Variants in CATSPERZ observed in about 807,000 individuals in gnomAD.
CATSPERZ encodes cation channel sperm-associated auxiliary subunit zeta.
A neutral mutation model predicts 21.7 loss-of-function variants in CATSPERZ; 21 were observed. The ratio of observed to expected loss-of-function variants is 0.97; its 90% confidence interval spans 0.69 to 1.39. CATSPERZ has a LOEUF of 1.39. CATSPERZ is among the 40% of genes most tolerant of loss of function. CATSPERZ has a pLI of 0.00. For synonymous variants in CATSPERZ, 127 were observed against 108.7 expected (o/e 1.17, Z -1.05); for missense variants, 234 against 259.5 (o/e 0.90, Z 0.68).
chr11:64,303,614 T>C, intron 3 of CATSPERZ, 53 bp downstream of exon 3: 1 of 1,555,518 alleles, frequency 6.4e-7, no homozygotes, highest in Non-Finnish European at 8.7e-7. Flanking sequence ...GATAGGCAAA[T>C]TGGGGGTTGA....
chr11:64,301,922 C>G (rs1362099098), intron 2 of CATSPERZ, among the ~76,000 whole-genome samples: 1 of 152,202 alleles, frequency 6.6e-6, no homozygotes, highest in East Asian at 1.9e-4. Flanking sequence ...CCTCCTGCTT[C>G]GGCTTCCCAA....
chr11:64,302,576 C>T (rs1331053550), intron 2 of CATSPERZ, among the ~76,000 whole-genome samples: 2 of 151,240 alleles, frequency 1.3e-5, no homozygotes, highest in Non-Finnish European at 2.9e-5. Flanking sequence ...CAACCGCGCT[C>T]GGCTATTTAT....
rs2034901360 is a variant in CATSPERZ at position 64,300,424 on chromosome 11, C to T, written c.14C>T (p.Pro5Leu). 3 of 1,480,464 alleles carry T rather than the reference C, an allele frequency of 2.0e-6. No individual in the cohort carries two copies. The highest frequency in any genetic ancestry group is 2.7e-6 in the Non-Finnish European group (3 of 1,096,050). 91.7% of individuals were successfully genotyped at this position (1,480,464 alleles called of 1,614,324 possible). A position where few individuals can be genotyped will look rare whatever the true frequency, so the allele number is the denominator to read the frequency against. ...TGGGGCAGAACCATGGAGGAAAAGC[C>T]TTCGAAAGTAAGACGTCTCCCTAGG... is the stretch of plus-strand genomic sequence containing the variant. MEEKPSKVSLKSSDR... is the reference protein window; with the variant it reads MEEKLSKVSLKSSDR... The change falls in exon 1 of 5, where the codon CCT (proline) becomes CTT (leucine). Residue 5 changes from proline to leucine, a missense_variant. By Grantham distance (98) the Pro-to-Leu change is moderately conservative. Transcript: ENST00000328404.
Position 64,300,952 on chromosome 11 carries a change from T to G in CATSPERZ, c.317T>G (p.Leu106Arg), listed in dbSNP as rs753402158. ...LHRGSSMEIN[L>R]GEKDTASQIE... ...CGCGGCAGCTCCATGGAAATCAATC[T>G]GGGGGAGAAGGACACTGCATCCCAG... The change falls in exon 2 of 5, where the codon CTG becomes CGG. Residue 106 changes from leucine (L) to arginine (R), a missense_variant. Transcript: ENST00000328404. The G allele has an allele frequency of 2.5e-6, 4 of 1,577,348 alleles. No individual in the cohort carries two copies. Among genetic ancestry groups the G allele is most frequent in the Non-Finnish European group, 3.4e-6 (4 of 1,162,610 alleles).
chr11:64,301,502 T>C (rs2034926514), intron 2 of CATSPERZ, among the ~76,000 whole-genome samples: 1 of 146,950 alleles, frequency 6.8e-6, no homozygotes. Flanking sequence ...GCCTCCCGAG[T>C]AGCTGGGATT....
At chr11:64,303,209 C>T (rs1462741273) in intron 2 of CATSPERZ, among the ~76,000 whole-genome samples, 2 of 152,164 alleles carry the variant, frequency 1.3e-5, no homozygotes, top group Admixed American at 6.5e-5. Context: ...AAGAGCTGTT[C>T]TTATTACCCC....
chr11:64,304,664 C>T lies in CATSPERZ; in HGVS notation c.*18C>T. 6.4e-7 allele frequency: 1 copy of T among 1,552,778 alleles called. No homozygotes were observed. The highest frequency in any genetic ancestry group is 8.7e-7 in the Non-Finnish European group (1 of 1,147,916). On this transcript the variant is annotated 3_prime_UTR_variant, in exon 5 of 5. Coordinates refer to ENST00000328404, the MANE Select transcript of CATSPERZ (RefSeq NM_001039496.2). Reference sequence around the variant, plus strand: ...TGAATTAAAAACGCCACCTTGGGCTCGAGCAGCGACCCGAACCAGCCCCGT... The same window carrying T: ...TGAATTAAAAACGCCACCTTGGGCTTGAGCAGCGACCCGAACCAGCCCCGT...
chr11:64,300,809 C>T lies in CATSPERZ; in HGVS notation c.174C>T (p.Asn58=). 1.3e-6 allele frequency: 2 copies of T among 1,559,504 alleles called. No individual in the cohort carries two copies. Among genetic ancestry groups the T allele is most frequent in the Non-Finnish European group, 1.7e-6 (2 of 1,152,452 alleles). The part of the protein sequence containing the change: ...VCEGFDEEGR[N]ISKTRGWHSP... Reference sequence around the variant, plus strand: ...AGGGCTTCGACGAGGAGGGCCGCAACATTAGCAAGACCCGCGGGTGGCACA... The same window carrying T: ...AGGGCTTCGACGAGGAGGGCCGCAATATTAGCAAGACCCGCGGGTGGCACA... The change falls in exon 2 of 5, where the codon AAC becomes AAT. Residue 58 remains asparagine (N), a synonymous_variant. Transcript: ENST00000328404.
At position 64,304,719 on chromosome 11, in the gene CATSPERZ, C is replaced by T; in HGVS notation, c.*73C>T. ...GCCCGGTCCCCAGACCCAAGCCTGA[C>T]CCCATCCGAGTGGAATTTGAGTCCT... On this transcript the variant is annotated 3_prime_UTR_variant, in exon 5 of 5. Transcript: ENST00000328404. The T allele has an allele frequency of 7.8e-7, 1 of 1,280,452 alleles. No individual in the cohort carries two copies. Among genetic ancestry groups the T allele is most frequent in the African/African-American group, 1.5e-5 (1 of 66,840 alleles). 79.3% of individuals were successfully genotyped at this position (1,280,452 alleles called of 1,614,324 possible).
At chr11:64,303,437 G>A in intron 2 of CATSPERZ, 45 bp from the exon 3 acceptor site, 1 of 1,515,452 alleles carries the variant, frequency 6.6e-7, no homozygotes, top group Non-Finnish European at 9.0e-7. Context: ...TCCAGGGAAG[G>A]CCCAGGAGTC....
chr11:64,300,651 C>G lies in CATSPERZ; in HGVS notation c.22-6C>G. ...CCTTGGCTCCCTCCTTGTATGTGGC[C>G]CACAGGTGTCGCTCAAGTCTTCCGA... On this transcript the variant is annotated splice_region_variant and splice_polypyrimidine_tract_variant and intron_variant, in intron 1 of 4. Transcript: ENST00000328404. 1 of 1,531,230 alleles carries G rather than the reference C, an allele frequency of 6.5e-7. No individual in the cohort carries two copies. Among genetic ancestry groups the G allele is most frequent in the Non-Finnish European group, 8.8e-7 (1 of 1,134,244 alleles). 94.9% of individuals were successfully genotyped at this position (1,531,230 alleles called of 1,614,324 possible).
rs1427535000 is a variant in CATSPERZ, at chr11:64,303,577, G to T, written c.432+16G>T. The T allele has an allele frequency of 2.5e-6, 4 of 1,610,492 alleles. No individual in the cohort carries two copies. The South Asian group carries it at 3.3e-5, about 13-fold the overall frequency. Reference sequence around the variant, plus strand: ...GCAGAGCAGGGTTGGAGGGGCTGGGGAGACTGGGCGTTTCGGTGGGGTAGG... The same window carrying T: ...GCAGAGCAGGGTTGGAGGGGCTGGGTAGACTGGGCGTTTCGGTGGGGTAGG... On this transcript the variant is annotated intron_variant, in intron 3 of 4. Coordinates refer to ENST00000328404, the MANE Select transcript of CATSPERZ (RefSeq NM_001039496.2).
At chr11:64,302,516 G>A (rs2034942641) in intron 2 of CATSPERZ, among the ~76,000 whole-genome samples, 1 of 152,072 alleles carries the variant, frequency 6.6e-6, no homozygotes, top group African/African-American at 2.4e-5. Flanking sequence ...TCCTGACCTC[G>A]TGATCCGCCC....
chr11:64,300,632 C>G, intron 1 of CATSPERZ, 25 bp from the exon 2 acceptor site: 1 of 1,520,010 alleles, frequency 6.6e-7, no homozygotes, highest in South Asian at 1.3e-5. Flanking sequence ...CGACCCTTGG[C>G]TCCCTCCTTG....
In CATSPERZ at chr11:64,300,885, G is replaced by A. The variant is rs1227171529; in HGVS notation, c.250G>A (p.Glu84Lys). ...DEGYKASHKP[E>K]ELDEHALVEL... ...GGGGTACAAGGCCAGCCACAAGCCG[G>A]AGGAACTGGACGAGCACGCGCTGGT... is the stretch of plus-strand genomic sequence containing the variant. The change falls in exon 2 of 5, where the codon GAG becomes AAG. Residue 84 changes from glutamate (E) to lysine (K), a missense_variant. Physicochemically the swap from Glu to Lys is moderately conservative, Grantham distance 56. Transcript: ENST00000328404. The A allele has an allele frequency of 6.4e-7, 1 of 1,571,182 alleles. No individual in the cohort carries two copies. Among genetic ancestry groups the A allele is most frequent in the South Asian group, 1.2e-5 (1 of 85,402 alleles).
intron 2 of CATSPERZ, among the ~76,000 whole-genome samples, chr11:64,301,231 C>A (rs1335714344): frequency 6.6e-6 from 1 of 152,168 alleles, no homozygotes; most frequent in Non-Finnish European, 1.5e-5. Context: ...GAAGGACGCA[C>A]CAAATAAATT....
In CATSPERZ at chr11:64,304,536, C is replaced by T. The variant is rs1301966102; in HGVS notation, c.500-7C>T. Reference sequence around the variant, plus strand: ...CTGCCCTGAGCCGAGCTCTGCCCTCCTCCTAGGCTACCAGTTAGGGATCGG... The same window carrying T: ...CTGCCCTGAGCCGAGCTCTGCCCTCTTCCTAGGCTACCAGTTAGGGATCGG... On this transcript the variant is annotated splice_polypyrimidine_tract_variant and splice_region_variant and intron_variant, in intron 4 of 4. Coordinates refer to ENST00000328404, the MANE Select transcript of CATSPERZ (RefSeq NM_001039496.2). The T allele has an allele frequency of 6.4e-7, 1 of 1,574,582 alleles. No homozygotes were observed. The highest frequency in any genetic ancestry group is 8.6e-7 in the Non-Finnish European group (1 of 1,160,908).
In CATSPERZ at chr11:64,304,538, C is replaced by A. The variant is rs369708415; in HGVS notation, c.500-5C>A. On this transcript the variant is annotated splice_polypyrimidine_tract_variant and splice_region_variant and intron_variant, in intron 4 of 4. Coordinates refer to ENST00000328404, the MANE Select transcript of CATSPERZ (RefSeq NM_001039496.2). The stretch of plus-strand genomic sequence containing the variant: ...GCCCTGAGCCGAGCTCTGCCCTCCT[C>A]CTAGGCTACCAGTTAGGGATCGGCA... The A allele has an allele frequency of 1.3e-6, 2 of 1,576,002 alleles. No individual in the cohort carries two copies. The highest frequency in any genetic ancestry group is 1.7e-6 in the Non-Finnish European group (2 of 1,161,832).
intron 1 of CATSPERZ, 30 bp downstream of exon 1, chr11:64,300,461 G>C: frequency 6.4e-7 from 1 of 1,552,688 alleles, no homozygotes; most frequent in Non-Finnish European, 8.8e-7. Context: ...CCCTTACCCT[G>C]TCCGCTCCAA....
Sources: allele counts gnomAD v4.1 joint callset (sites outside exome capture counted in the v4.1 genomes callset), GRCh38; gene constraint gnomAD v4.1.1; transcripts MANE v1.5; gene names NCBI Gene and HGNC (gene_info 2026-07-23, HGNC 2026-07-21).